Variants in SLC29A1 observed in about 807,000 individuals in gnomAD.
SLC29A1 encodes the protein equilibrative nucleoside transporter 1.
SLC29A1 carries 22 observed loss-of-function variants against 48.3 expected under a neutral mutation model. The ratio of observed to expected loss-of-function variants is 0.46; its 90% confidence interval spans 0.33 to 0.65. The LOEUF (loss-of-function observed/expected upper bound fraction) is 0.65, where lower values mean the gene tolerates loss of function less well. Among genes scored for constraint, SLC29A1 ranks in the 30% least tolerant of loss-of-function variants. The pLI is 0.03. For missense variants in SLC29A1, 491 were observed against 575.3 expected, an observed-to-expected ratio of 0.85 and a Z score of 1.50; for synonymous variants, 228 against 231.0, an observed-to-expected ratio of 0.99 and a Z score of 0.12.
chr6:44,223,882 G>A lies in SLC29A1; in HGVS notation c.-52+241G>A, dbSNP rs1776832246. 6 of 996,966 alleles carry A rather than the reference G, an allele frequency of 6.0e-6. No homozygotes were observed. Among genetic ancestry groups the A allele is most frequent in the African/African-American group, 1.7e-5 (1 of 57,394 alleles). The allele number at this position is 996,966 out of a possible 1,614,324, so 61.8% of individuals were successfully genotyped here. ...GCTGGGCGGGGCGGCCTGGCTCCCG[G>A]GCCTAAAACAGGCTGCGGTCACGTT... is the stretch of plus-strand genomic sequence containing the variant. On this transcript the variant is annotated intron_variant, in intron 1 of 12. Coordinates refer to ENST00000371755, the MANE Select transcript of SLC29A1 (RefSeq NM_001372327.1). This position sits in a 1 kb window ranked among gnomAD's most constrained non-coding sequence, Gnocchi z 5.0.
In SLC29A1 at chr6:44,232,717, C is replaced by T. The variant is rs1779166375; in HGVS notation, c.1060-90C>T. ...AGAACCAGGCTTTGAGGTTTCAGTT[C>T]AGATCCTGAGGGGCCCCAGATGGAT... On this transcript the variant is annotated intron_variant, in intron 11 of 12. Transcript: ENST00000371755. This position sits in a 1 kb window ranked among gnomAD's most constrained non-coding sequence, Gnocchi z 4.7. 4.0e-6 allele frequency: 5 copies of T among 1,265,418 alleles called. No homozygotes were observed. The South Asian group carries it at 6.2e-5, about 16-fold the overall frequency. 78.4% of individuals were successfully genotyped at this position (1,265,418 alleles called of 1,614,324 possible). A position where few individuals can be genotyped will look rare whatever the true frequency, so the allele number is the denominator to read the frequency against.
At chr6:44,226,714 G>C (rs1162450889) in intron 1 of SLC29A1, 1 of 991,074 alleles carries the variant, frequency 1.0e-6, no homozygotes, top group African/African-American at 1.7e-5. Flanking sequence ...GACCAGACTT[G>C]CAGAGAGGGG....
chr6:44,233,602 C>A lies in SLC29A1; in HGVS notation c.*74C>A. 1.6e-6 allele frequency: 2 copies of A among 1,232,826 alleles called. No homozygotes were observed. The highest frequency in any genetic ancestry group is 1.7e-5 in the Admixed American group (1 of 57,186). The allele number at this position is 1,232,826 out of a possible 1,614,324, so 76.4% of individuals were successfully genotyped here. Reference sequence around the variant, plus strand: ...GCCCCTTCCTTCTGCCAGGGGTGATCCTGAGTGGTCTGGCGGTTTTTTCTT... The same window carrying A: ...GCCCCTTCCTTCTGCCAGGGGTGATACTGAGTGGTCTGGCGGTTTTTTCTT... On this transcript the variant is annotated 3_prime_UTR_variant, in exon 13 of 13. Coordinates refer to ENST00000371755, the MANE Select transcript of SLC29A1 (RefSeq NM_001372327.1).
Position 44,232,498 on chromosome 6 carries a change from C to A in SLC29A1, c.1059+70C>A. On this transcript the variant is annotated intron_variant, in intron 11 of 12. Coordinates refer to ENST00000371755, the MANE Select transcript of SLC29A1 (RefSeq NM_001372327.1). This position sits in a 1 kb window ranked among gnomAD's most constrained non-coding sequence, Gnocchi z 4.7. ...TCCAGCCTGGACCCAGAGAGGGAAC[C>A]CAAGAAAGTATGGTAGTAAGGGGAC... 2 of 1,027,708 alleles carry A rather than the reference C, an allele frequency of 1.9e-6. No homozygotes were observed. The highest frequency in any genetic ancestry group is 1.5e-6 in the Non-Finnish European group (1 of 667,398). The allele number at this position is 1,027,708 out of a possible 1,614,324, so 63.7% of individuals were successfully genotyped here. A position where few individuals can be genotyped will look rare whatever the true frequency, so the allele number is the denominator to read the frequency against.
chr6:44,229,450 T>C lies in SLC29A1; in HGVS notation c.90T>C (p.Asn30=). 1 of 1,614,112 alleles carries C rather than the reference T, an allele frequency of 6.2e-7. No homozygotes were observed. The highest frequency in any genetic ancestry group is 8.5e-7 in the Non-Finnish European group (1 of 1,179,978). Residue 30 remains asparagine, a synonymous_variant, in exon 3 of 13, where the codon AAT becomes AAC. Transcript: ENST00000371755. This position sits in a 1 kb window ranked among gnomAD's most constrained non-coding sequence, Gnocchi z 5.1. ...GTCTGGGAACGCTGCTCCCGTGGAATTTTTTCATGACGGCCACTCAGGTGA... is the reference window on the plus strand; with the variant it reads ...GTCTGGGAACGCTGCTCCCGTGGAACTTTTTCATGACGGCCACTCAGGTGA... ...MLGLGTLLPW[N]FFMTATQYFT...
chr6:44,233,277 G>A (rs1287040061), intron 12 of SLC29A1, 140 bp from the exon 13 acceptor site: 1 of 804,392 alleles, frequency 1.2e-6, no homozygotes, highest in Non-Finnish European at 2.1e-6. Context: ...GCCAGGTTGG[G>A]GTTAGGCAGC....
At chr6:44,227,473 A>G (rs1181596095) in intron 2 of SLC29A1, 131 bp downstream of exon 2, 18 of 786,772 alleles carry the variant, frequency 2.3e-5, no homozygotes, top group Non-Finnish European at 2.8e-5. Context: ...TCAGGTCTGC[A>G]TCAGGGGTGG....
At chr6:44,225,363 G>T (rs1239687551) in intron 1 of SLC29A1, among the ~76,000 whole-genome samples, 9 of 151,972 alleles carry the variant, frequency 5.9e-5, no homozygotes, top group Non-Finnish European at 1.3e-4. Context: ...GAAATCAGCC[G>T]GGGGTGGTGG....
At chr6:44,219,717 G>A, upstream of SLC29A1, 1 of 1,289,120 alleles carries the variant, frequency 7.8e-7, no homozygotes, top group South Asian at 1.2e-5. Flanking sequence ...AGAGAACTAG[G>A]GGCCCGCAGG....
chr6:44,219,959 C>T (rs1292242910), upstream of SLC29A1, among the ~76,000 whole-genome samples: 3 of 152,134 alleles, frequency 2.0e-5, no homozygotes. Flanking sequence ...TCTGGGCCTT[C>T]GAAGGCCATT....
chr6:44,221,159 C>G (rs1303690986), upstream of SLC29A1, among the ~76,000 whole-genome samples: 1 of 152,204 alleles, frequency 6.6e-6, no homozygotes, highest in Non-Finnish European at 1.5e-5. The surrounding 1 kb of genome is among the most constrained non-coding windows in gnomAD (Gnocchi z 4.2). Context: ...GCTGAGATTT[C>G]AGGCATGAGC....
chr6:44,227,027 G>A, intron 1 of SLC29A1: 1 of 1,292,348 alleles, frequency 7.7e-7, no homozygotes, highest in Non-Finnish European at 9.8e-7. Context: ...GCAGCGGCCA[G>A]GCCGGGAGCC....
chr6:44,226,802 T>C, intron 1 of SLC29A1: 2 of 1,010,032 alleles, frequency 2.0e-6, no homozygotes, highest in Non-Finnish European at 2.4e-6. Flanking sequence ...TCCGTGTCCT[T>C]CCTCCTCCTC....
chr6:44,232,751 G>A lies in SLC29A1; in HGVS notation c.1060-56G>A, dbSNP rs1345963298. 1.3e-6 allele frequency: 2 copies of A among 1,547,086 alleles called. No individual in the cohort carries two copies. The highest frequency in any genetic ancestry group is 1.7e-5 in the Admixed American group (1 of 58,744). Reference sequence around the variant, plus strand: ...AGGGGCCCCAGATGGATCCTTGGGGGCCTGGCTGTGCCCTGGGGTGGCGGC... The same window carrying A: ...AGGGGCCCCAGATGGATCCTTGGGGACCTGGCTGTGCCCTGGGGTGGCGGC... On this transcript the variant is annotated intron_variant, in intron 11 of 12. Transcript: ENST00000371755. This position sits in a 1 kb window ranked among gnomAD's most constrained non-coding sequence, Gnocchi z 4.7.
upstream of SLC29A1, among the ~76,000 whole-genome samples, chr6:44,222,324 CAG>C (rs1776539336): frequency 6.6e-6 from 1 of 152,054 alleles, no homozygotes; most frequent in Non-Finnish European, 1.5e-5. Context: ...GGCATGGAAA[CAG>C]AAGGCTGGGG....
At chr6:44,228,744 T>A (rs897212864) in intron 2 of SLC29A1, among the ~76,000 whole-genome samples, 2 of 152,204 alleles carry the variant, frequency 1.3e-5, no homozygotes, top group Admixed American at 1.3e-4. Context: ...CAGTCCTTAT[T>A]TACACCCTGA....
At chr6:44,225,933 T>G in intron 1 of SLC29A1, 1 of 162,664 alleles carries the variant, frequency 6.1e-6, no homozygotes, top group South Asian at 2.0e-4. Context: ...AGGGGTGGCT[T>G]TTTATCTCCT....
chr6:44,232,861 G>A lies in SLC29A1; in HGVS notation c.1114G>A (p.Val372Met). The change falls in exon 12 of 13, where the codon GTG (valine) becomes ATG (methionine). Residue 372 changes from valine to methionine, a missense_variant. Transcript: ENST00000371755. This position sits in a 1 kb window ranked among gnomAD's most constrained non-coding sequence, Gnocchi z 4.7. Reference protein sequence around the residue: ...PSLVLARLVFVPLLLLCNIKP... With the variant: ...PSLVLARLVFMPLLLLCNIKP... ...CCTGGTGCTGGCCCGGCTGGTGTTT[G>A]TGCCACTGCTGCTGCTGTGCAACAT... The A allele has an allele frequency of 6.2e-7, 1 of 1,613,906 alleles. No homozygotes were observed. Among genetic ancestry groups the A allele is most frequent in the South Asian group, 1.1e-5 (1 of 91,082 alleles).
chr6:44,225,507 CA>C (rs35204127), intron 1 of SLC29A1, among the ~76,000 whole-genome samples: 32,337 of 102,752 alleles, frequency 0.31, 4,052 homozygotes, highest in Middle Eastern at 0.46. Flanking sequence ...AACTCCGTCT[CA>C]AAAAAAAAAA....
Sources: allele counts gnomAD v4.1 joint callset (sites outside exome capture counted in the v4.1 genomes callset), GRCh38; gene constraint gnomAD v4.1.1; non-coding constraint Gnocchi (gnomAD v3.1); transcripts MANE v1.5; gene names NCBI Gene and HGNC (gene_info 2026-07-23, HGNC 2026-07-21).